AURKC: variants seen among roughly 807,000 people sequenced by gnomAD.
AURKC encodes ARK-3.
AURKC carries 15 observed loss-of-function variants against 29.2 expected under a neutral mutation model. That is an observed-to-expected ratio of 0.51 (90% CI 0.34 to 0.79). The LOEUF (loss-of-function observed/expected upper bound fraction) is 0.79. Among genes scored for constraint, AURKC ranks in the 30% least tolerant of loss-of-function variants. The pLI, the probability that AURKC is intolerant of heterozygous loss-of-function variation, is 0.01. For missense variants in AURKC, 332 were observed against 383.2 expected (o/e 0.87, Z 1.12); for synonymous variants, 150 against 149.9 (o/e 1.00, Z -0.01).
Position 57,231,810 on chromosome 19 carries a change from C to A in AURKC, c.104+23C>A, listed in dbSNP as rs775195308. The A allele has an allele frequency of 8.1e-6, 13 of 1,613,884 alleles. No individual in the cohort carries two copies. In the Admixed American group the frequency reaches 1.7e-4, roughly 21 times the overall value. ...CATGTGAGTCCCTTGGGATTGGTATCTGGAAAAGGAAGGAAGGTGGGACGT... is the reference window on the plus strand; with the variant it reads ...CATGTGAGTCCCTTGGGATTGGTATATGGAAAAGGAAGGAAGGTGGGACGT... On this transcript the variant is annotated intron_variant, in intron 2 of 6. Transcript: ENST00000302804.
At position 57,233,600 on chromosome 19, in the gene AURKC, C is replaced by A. The variant is rs1430318869; in HGVS notation, c.576C>A (p.Pro192=). The change falls in exon 5 of 7, where the codon CCC becomes CCA. Residue 192 remains proline (P), a synonymous_variant. Coordinates refer to ENST00000302804, the MANE Select transcript of AURKC (RefSeq NM_001015878.2). The stretch of plus-strand genomic sequence containing the variant: ...ATTTTGGCTGGTCTGTGCACACCCC[C>A]TCCCTGAGGTAGGTCAGGTGGTGGT... ...IADFGWSVHT[P]SLRRKTMCGT... The A allele has an allele frequency of 6.2e-7, 1 of 1,613,648 alleles. No homozygotes were observed. The highest frequency in any genetic ancestry group is 8.5e-7 in the Non-Finnish European group (1 of 1,180,006).
At position 57,232,621 on chromosome 19, in the gene AURKC, G is replaced by A. The variant is rs2087505320; in HGVS notation, c.376G>A (p.Gly126Ser). Residue 126 changes from glycine to serine, a missense_variant, in exon 4 of 7, where the codon GGT (glycine) becomes AGT (serine). By Grantham distance (56) the Gly-to-Ser change is moderately conservative. Transcript: ENST00000302804. This position sits in a 1 kb window ranked among gnomAD's most constrained non-coding sequence, Gnocchi z 4.5. ...CCTGATTCTGGAATATGCTCCAAGGGGTGAGCTCTACAAGGAGCTGCAGAA... is the reference window on the plus strand; with the variant it reads ...CCTGATTCTGGAATATGCTCCAAGGAGTGAGCTCTACAAGGAGCTGCAGAA... ...VYLILEYAPR[G>S]ELYKELQKSE... 1 of 1,614,084 alleles carries A rather than the reference G, an allele frequency of 6.2e-7. No individual in the cohort carries two copies. The highest frequency in any genetic ancestry group is 8.5e-7 in the Non-Finnish European group (1 of 1,180,026).
At position 57,235,337 on chromosome 19, in the gene AURKC, C is replaced by T. The variant is rs1568485210; in HGVS notation, c.850C>T (p.Leu284=). ...ATACCAGCCCTTGGAGAGACTGCCCCTGGCCCAGATCCTGAAGCACCCCTG... is the reference window on the plus strand; with the variant it reads ...ATACCAGCCCTTGGAGAGACTGCCCTTGGCCCAGATCCTGAAGCACCCCTG... ...LRYQPLERLP[L]AQILKHPWVQ... The change falls in exon 7 of 7, where the codon CTG becomes TTG. Residue 284 remains leucine (L), a synonymous_variant. Coordinates refer to ENST00000302804, the MANE Select transcript of AURKC (RefSeq NM_001015878.2). 6.2e-7 allele frequency: 1 copy of T among 1,614,188 alleles called. No homozygotes were observed. The highest frequency in any genetic ancestry group is 8.5e-7 in the Non-Finnish European group (1 of 1,180,038).
chr19:57,232,588 C>T lies in AURKC; in HGVS notation c.343C>T (p.Arg115Trp), dbSNP rs781258727. ...GTATAACTATTTCCATGATGCACGC[C>T]GGGTGTACCTGATTCTGGAATATGC... is the stretch of plus-strand genomic sequence containing the variant. ...RLYNYFHDAR[R>W]VYLILEYAPR... The change falls in exon 4 of 7, where the codon CGG becomes TGG. Residue 115 changes from arginine (R) to tryptophan (W), a missense_variant. Coordinates refer to ENST00000302804, the MANE Select transcript of AURKC (RefSeq NM_001015878.2). This position sits in a 1 kb window ranked among gnomAD's most constrained non-coding sequence, Gnocchi z 4.5. 9.3e-6 allele frequency: 15 copies of T among 1,614,126 alleles called. No individual in the cohort carries two copies. Among genetic ancestry groups the T allele is most frequent in the East Asian group, 4.5e-5 (2 of 44,872 alleles).
Position 57,231,057 on chromosome 19 carries a change from C to T in AURKC, c.-192C>T. On this transcript the variant is annotated 5_prime_UTR_variant, in exon 1 of 7. Coordinates refer to ENST00000302804, the MANE Select transcript of AURKC (RefSeq NM_001015878.2). ...GTGCCGGGTATAAAAGAAGGCCGCG[C>T]AGCCACGGCTGCTCACGACGCCGCG... 7.4e-7 allele frequency: 1 copy of T among 1,360,536 alleles called. No individual in the cohort carries two copies. The highest frequency in any genetic ancestry group is 1.0e-6 in the Non-Finnish European group (1 of 971,532). 84.3% of individuals were successfully genotyped at this position (1,360,536 alleles called of 1,614,324 possible).
Position 57,231,778 on chromosome 19 carries a change from G to T in AURKC, c.95G>T (p.Ser32Ile), listed in dbSNP as rs748307098. ...AACCAAACAGCCCAGCAGCCCAGCA[G>T]CCCAGCCATGTGAGTCCCTTGGGAT... ...TANQTAQQPSSPAMRRLTVDD... is the reference protein window; with the variant it reads ...TANQTAQQPSIPAMRRLTVDD... The change falls in exon 2 of 7, where the codon AGC (serine) becomes ATC (isoleucine). Residue 32 changes from serine (S) to isoleucine (I), a missense_variant. Ser to Ile is a moderately radical substitution (Grantham distance 142). Transcript: ENST00000302804. The T allele has an allele frequency of 4.6e-5, 74 of 1,613,770 alleles. No homozygotes were observed. Among genetic ancestry groups the T allele is most frequent in the Admixed American group, 2.8e-4 (17 of 59,940 alleles).
At chr19:57,233,688 G>A in intron 5 of AURKC, 80 bp downstream of exon 5, 1 of 1,587,978 alleles carries the variant, frequency 6.3e-7, no homozygotes, top group Non-Finnish European at 8.6e-7. Flanking sequence ...ATGTGTCCAT[G>A]TGTAAAACCT....
At chr19:57,231,819 G>A in intron 2 of AURKC, 32 bp downstream of exon 2, 3 of 1,614,052 alleles carry the variant, frequency 1.9e-6, no homozygotes, top group Non-Finnish European at 2.5e-6. Context: ...TCTGGAAAAG[G>A]AAGGAAGGTG....
At position 57,235,047 on chromosome 19, in the gene AURKC, C is replaced by G; in HGVS notation, c.748C>G (p.Arg250Gly). 14 of 1,614,124 alleles carry G rather than the reference C, an allele frequency of 8.7e-6. No homozygotes were observed. The highest frequency in any genetic ancestry group is 8.5e-6 in the Non-Finnish European group (10 of 1,180,022). Residue 250 changes from arginine to glycine, a missense_variant, in exon 6 of 7, where the codon CGC becomes GGC. By Grantham distance (125) the Arg-to-Gly change is moderately radical. Transcript: ENST00000302804. ...ESASHSETYR[R>G]ILKVDVRFPL... ...CGCCTCCCACAGTGAGACTTACAGA[C>G]GCATCCTCAAGGTGGGACAGTCACC...
chr19:57,231,174 C>A lies in AURKC; in HGVS notation c.-75C>A. Reference sequence around the variant, plus strand: ...CCGGCCAGAAAGTGACCCCCCACCCCTTTCAGGACCCTGTGAACGGGAACA... The same window carrying A: ...CCGGCCAGAAAGTGACCCCCCACCCATTTCAGGACCCTGTGAACGGGAACA... On this transcript the variant is annotated 5_prime_UTR_variant, in exon 1 of 7. Transcript: ENST00000302804. 1 of 1,551,288 alleles carries A rather than the reference C, an allele frequency of 6.4e-7. No homozygotes were observed. The highest frequency in any genetic ancestry group is 8.7e-7 in the Non-Finnish European group (1 of 1,146,798).
Position 57,232,293 on chromosome 19 carries a change from C to A in AURKC, c.296+69C>A. ...CCCAGCATTTTCCCCAAATACTAACCCCAAGTAAACCCTGCACTTGTACCT... is the reference window on the plus strand; with the variant it reads ...CCCAGCATTTTCCCCAAATACTAACACCAAGTAAACCCTGCACTTGTACCT... On this transcript the variant is annotated intron_variant, in intron 3 of 6. Coordinates refer to ENST00000302804, the MANE Select transcript of AURKC (RefSeq NM_001015878.2). The surrounding 1 kb of genome is among the most constrained non-coding windows in gnomAD (Gnocchi z 4.5). 1 of 1,565,854 alleles carries A rather than the reference C, an allele frequency of 6.4e-7. No individual in the cohort carries two copies. Among genetic ancestry groups the A allele is most frequent in the Non-Finnish European group, 8.7e-7 (1 of 1,148,924 alleles).
chr19:57,231,483 C>T, intron 1 of AURKC, 177 bp downstream of exon 1: 3 of 786,042 alleles, frequency 3.8e-6, no homozygotes, highest in Non-Finnish European at 4.2e-6. Context: ...CCCTCCCCTA[C>T]TCTCTCCTCC....
chr19:57,234,330 A>G (rs534762937), intron 5 of AURKC, among the ~76,000 whole-genome samples: 5 of 152,340 alleles, frequency 3.3e-5, no homozygotes, highest in South Asian at 2.1e-4. Flanking sequence ...TGCTGGGATC[A>G]TAGGCATGAG....
chr19:57,231,380 C>G, intron 1 of AURKC, 74 bp downstream of exon 1: 1 of 1,473,160 alleles, frequency 6.8e-7, no homozygotes. Context: ...ACAGAAGACA[C>G]ATGTGTTGAC....
chr19:57,231,708 CCCTT>C (rs1350117595), intron 1 of AURKC, 30 bp from the exon 2 acceptor site: 1 of 1,612,324 alleles, frequency 6.2e-7, no homozygotes, highest in Non-Finnish European at 8.5e-7. Flanking sequence ...CCTCCCCTCT[CCCTT>C]CCTATCTCCC....
rs1310929209 is a variant in AURKC, at chr19:57,232,800, T to C, written c.435+120T>C. On this transcript the variant is annotated intron_variant, in intron 4 of 6. Coordinates refer to ENST00000302804, the MANE Select transcript of AURKC (RefSeq NM_001015878.2). This position sits in a 1 kb window ranked among gnomAD's most constrained non-coding sequence, Gnocchi z 4.5. ...CTGAGAAGTTTACTTCTGAATGTTA[T>C]TGTGTAAATTTAATATAATGGCACG... is the stretch of plus-strand genomic sequence containing the variant. The C allele has an allele frequency of 1.3e-5, 17 of 1,331,086 alleles. No individual in the cohort carries two copies. Among genetic ancestry groups the C allele is most frequent in the South Asian group, 3.6e-5 (3 of 82,462 alleles). The allele number at this position is 1,331,086 out of a possible 1,614,324, so 82.5% of individuals were successfully genotyped here.
rs1459680952 is a variant in AURKC, at chr19:57,232,245, C to T, written c.296+21C>T. The stretch of plus-strand genomic sequence containing the variant: ...CTACAGTAAGGACAGTCTCTGCTTC[C>T]TCTTTCATCTTTGACGTCTGAGCCC... On this transcript the variant is annotated intron_variant, in intron 3 of 6. Coordinates refer to ENST00000302804, the MANE Select transcript of AURKC (RefSeq NM_001015878.2). This position sits in a 1 kb window ranked among gnomAD's most constrained non-coding sequence, Gnocchi z 4.5. The T allele has an allele frequency of 6.2e-7, 1 of 1,612,786 alleles. No individual in the cohort carries two copies. Among genetic ancestry groups the T allele is most frequent in the South Asian group, 1.1e-5 (1 of 90,950 alleles).
chr19:57,231,841 T>C (rs1216747453), intron 2 of AURKC, 54 bp downstream of exon 2: 1 of 1,613,684 alleles, frequency 6.2e-7, no homozygotes, highest in African/African-American at 1.3e-5. Flanking sequence ...GACGTGGGGA[T>C]GAAGAACAGA....
rs1195154010 is a variant in AURKC at position 57,231,072 on chromosome 19, A to C, written c.-177A>C. ...GAAGGCCGCGCAGCCACGGCTGCTCACGACGCCGCGGATCCCGAAGCCTGT... is the reference window on the plus strand; with the variant it reads ...GAAGGCCGCGCAGCCACGGCTGCTCCCGACGCCGCGGATCCCGAAGCCTGT... On this transcript the variant is annotated 5_prime_UTR_variant, in exon 1 of 7. Coordinates refer to ENST00000302804, the MANE Select transcript of AURKC (RefSeq NM_001015878.2). 1 of 1,451,476 alleles carries C rather than the reference A, an allele frequency of 6.9e-7. No homozygotes were observed. The highest frequency in any genetic ancestry group is 9.5e-7 in the Non-Finnish European group (1 of 1,054,592). The allele number at this position is 1,451,476 out of a possible 1,614,324, so 89.9% of individuals were successfully genotyped here. A position where few individuals can be genotyped will look rare whatever the true frequency, so the allele number is the denominator to read the frequency against.
Sources: gnomAD v4.1 joint callset for allele counts (sites outside exome capture counted in the v4.1 genomes callset) on GRCh38, gnomAD v4.1.1 for gene constraint, Gnocchi (gnomAD v3.1) non-coding constraint, MANE v1.5 for transcripts, NCBI Gene and HGNC (gene_info 2026-07-23, HGNC 2026-07-21) for gene names.